Variants in ACYP2 observed in about 807,000 individuals in gnomAD.
The protein encoded by ACYP2 is acylphosphatase-2.
ACYP2 carries 12 observed loss-of-function variants against 11.2 expected under a neutral mutation model. That is an observed-to-expected ratio of 1.08 (90% confidence interval 0.69 to 1.74). ACYP2 has a LOEUF of 1.74. Ranked by LOEUF, ACYP2 falls within the 40% of genes most tolerant of loss-of-function variation. The pLI is 0.00. For missense variants in ACYP2, 134 were observed against 101.9 expected (o/e 1.31, Z -1.35); for synonymous variants, 43 against 32.2 (o/e 1.33, Z -1.13).
chr2:54,206,584 G>A (rs1164719087), intron 6 of ACYP2, among the ~76,000 whole-genome samples: 1 of 152,196 alleles, frequency 6.6e-6, no homozygotes, highest in Non-Finnish European at 1.5e-5. Flanking sequence ...TGTCCTCGAT[G>A]ATGATATCCT....
chr2:54,008,789 G>A (rs1673206409), intron 2 of ACYP2, among the ~76,000 whole-genome samples: 1 of 152,152 alleles, frequency 6.6e-6, no homozygotes, highest in South Asian at 2.1e-4. Context: ...GAGTACAGGA[G>A]AAGCATTCTC....
intron 2 of ACYP2, among the ~76,000 whole-genome samples, chr2:54,027,764 A>C (rs1357009231): frequency 1.3e-5 from 2 of 151,642 alleles, no homozygotes; most frequent in Non-Finnish European, 2.9e-5. Context: ...GTTTTACCTA[A>C]TGTCTTTTTC....
chr2:54,060,966 A>G (rs1016114717), intron 4 of ACYP2, among the ~76,000 whole-genome samples: 4 of 152,148 alleles, frequency 2.6e-5, no homozygotes, highest in Admixed American at 6.5e-5. Context: ...ATGAAATTTC[A>G]GAAAAAAAGA....
At chr2:54,091,913 C>T (rs1678253956) in intron 4 of ACYP2, among the ~76,000 whole-genome samples, 1 of 151,960 alleles carries the variant, frequency 6.6e-6, no homozygotes, top group Non-Finnish European at 1.5e-5. Context: ...GGGAGGAGTA[C>T]GAGCAAGACT....
chr2:54,142,479 T>A (rs374923009), intron 6 of ACYP2: 2 of 152,180 alleles, frequency 1.3e-5, no homozygotes, highest in South Asian at 4.1e-4. Flanking sequence ...TCCCAGCACT[T>A]CGGGAGGCTG....
At chr2:54,180,830 C>T (rs1233053023) in intron 6 of ACYP2, among the ~76,000 whole-genome samples, 1 of 152,206 alleles carries the variant, frequency 6.6e-6, no homozygotes, top group Non-Finnish European at 1.5e-5. Context: ...TCTGAGATTT[C>T]AGGCGTGAAC....
At chr2:54,282,800 T>C (rs1688905637) in intron 6 of ACYP2, among the ~76,000 whole-genome samples, 1 of 152,146 alleles carries the variant, frequency 6.6e-6, no homozygotes, top group Admixed American at 6.5e-5. Context: ...GATTATCCTC[T>C]GTATGGACAT....
chr2:54,196,200 C>T (rs575644950), intron 6 of ACYP2, among the ~76,000 whole-genome samples: 1 of 152,094 alleles, frequency 6.6e-6, no homozygotes, highest in South Asian at 2.1e-4. Context: ...TGATATTTAA[C>T]ATATTTTATT....
intron 2 of ACYP2, among the ~76,000 whole-genome samples, chr2:54,026,727 T>A (rs942551066): frequency 1.3e-5 from 2 of 152,082 alleles, no homozygotes; most frequent in East Asian, 1.9e-4. Flanking sequence ...TACTCAGCCA[T>A]AAAAGGAAAT....
intron 6 of ACYP2, among the ~76,000 whole-genome samples, chr2:54,283,043 A>G (rs972574041): frequency 1.3e-5 from 2 of 152,238 alleles, no homozygotes; most frequent in Non-Finnish European, 2.9e-5. Flanking sequence ...AGATGATAGC[A>G]TGGTTGATTT....
At chr2:54,007,550 C>G (rs568571665) in intron 2 of ACYP2, among the ~76,000 whole-genome samples, 6 of 152,202 alleles carry the variant, frequency 3.9e-5, no homozygotes, top group Middle Eastern at 6.8e-3. Context: ...ACCGTGCCAG[C>G]CTTTCATGGT....
intron 6 of ACYP2, chr2:54,254,177 A>G (rs958248499): frequency 6.6e-6 from 1 of 152,254 alleles, no homozygotes; most frequent in Non-Finnish European, 1.5e-5. Context: ...TCTAACAAAC[A>G]GTAGGGTTTC....
intron 6 of ACYP2, chr2:54,256,175 T>G (rs1573003299): frequency 1.3e-6 from 2 of 1,595,330 alleles, no homozygotes; most frequent in South Asian, 1.1e-5. Flanking sequence ...AGGGCAGCAG[T>G]GGGTAGAGGC....
intron 6 of ACYP2, among the ~76,000 whole-genome samples, chr2:54,246,249 T>C (rs1016290201): frequency 4.6e-5 from 7 of 152,146 alleles, no homozygotes; most frequent in African/African-American, 1.4e-4. Flanking sequence ...TAGAATTTGT[T>C]TGTCTCATTC....
intron 2 of ACYP2, among the ~76,000 whole-genome samples, chr2:54,012,017 C>T (rs1673401613): frequency 6.6e-6 from 1 of 152,084 alleles, no homozygotes; most frequent in Non-Finnish European, 1.5e-5. Context: ...TGGTGAATCA[C>T]TTGAGGTCAG....
At chr2:53,977,419 C>G (rs933104669) in intron 2 of ACYP2, among the ~76,000 whole-genome samples, 3 of 152,096 alleles carry the variant, frequency 2.0e-5, no homozygotes, top group African/African-American at 7.2e-5. Context: ...AGGTCTCAGC[C>G]TTCAACTTCT....
At chr2:54,210,650 T>C (rs753716796) in intron 6 of ACYP2, among the ~76,000 whole-genome samples, 3 of 152,208 alleles carry the variant, frequency 2.0e-5, no homozygotes, top group Non-Finnish European at 4.4e-5. Context: ...TGCACAAGTA[T>C]TGTAAGTACT....
intron 6 of ACYP2, among the ~76,000 whole-genome samples, chr2:54,139,968 A>C (rs1366829980): frequency 6.6e-6 from 1 of 152,200 alleles, no homozygotes; most frequent in Non-Finnish European, 1.5e-5. Flanking sequence ...TTTTCTGGAC[A>C]TTTCAGTAAA....
intron 1 of ACYP2, chr2:53,973,632 T>C (rs1370955611): frequency 1.0e-5 from 2 of 196,102 alleles, no homozygotes; most frequent in Non-Finnish European, 1.0e-5. Context: ...CCCCAAAACA[T>C]TGCACTTAAC....
Sources: gnomAD v4.1 joint callset for allele counts (sites outside exome capture counted in the v4.1 genomes callset) on GRCh38, gnomAD v4.1.1 for gene constraint, MANE v1.5 for transcripts, NCBI Gene and HGNC (gene_info 2026-07-23, HGNC 2026-07-21) for gene names.